Variants in AATF observed in about 807,000 individuals in gnomAD.
The protein encoded by AATF is protein AATF.
AATF carries 48 observed loss-of-function variants against 63.7 expected under a neutral mutation model. The ratio of observed to expected loss-of-function variants is 0.75; its 90% CI spans 0.60 to 0.96. The LOEUF (loss-of-function observed/expected upper bound fraction) is 0.96. Among genes scored for constraint, AATF ranks in the 40% least tolerant of loss-of-function variants. The pLI, the probability that AATF is intolerant of heterozygous loss-of-function variation, is 0.00. For synonymous variants in AATF, 258 were observed against 247.7 expected (o/e 1.04, Z -0.39); for missense variants, 639 against 685.7 (o/e 0.93, Z 0.76).
At chr17:37,011,239 G>A (rs2071388298) in intron 8 of AATF, among the ~76,000 whole-genome samples, 1 of 152,176 alleles carries the variant, frequency 6.6e-6, no homozygotes, top group Admixed American at 6.5e-5. Flanking sequence ...GCCCGGCGTG[G>A]TGGTGCACGC....
chr17:37,004,934 G>A (rs770191035), intron 8 of AATF, among the ~76,000 whole-genome samples: 4 of 152,150 alleles, frequency 2.6e-5, no homozygotes, highest in African/African-American at 9.7e-5. Context: ...TTTTGCCACC[G>A]AAGTACAGGG....
At chr17:36,996,285 A>G (rs1364006253) in intron 8 of AATF, among the ~76,000 whole-genome samples, 2 of 152,144 alleles carry the variant, frequency 1.3e-5, no homozygotes, top group African/African-American at 4.8e-5. Flanking sequence ...TGCAAAAAAA[A>G]TGAGTCAGAT....
rs151257463 is a variant in AATF, at chr17:36,953,157, C to T, written c.555C>T (p.Asp185=). ...DEESGMEEGD[D]AEDSQGESEE... The stretch of plus-strand genomic sequence containing the variant: ...AGAGTGGCATGGAAGAAGGGGATGA[C>T]GCGGAAGACTCCCAAGGCGAGAGTG... The change falls in exon 3 of 12, where the codon GAC becomes GAT. Residue 185 remains aspartate, a synonymous_variant. Transcript: ENST00000619387. 9.9e-4 allele frequency: 1,603 copies of T among 1,614,048 alleles called. 2 individuals are homozygous for T. Among genetic ancestry groups the T allele is most frequent in the Non-Finnish European group, 1.2e-3 (1,447 of 1,180,012 alleles).
intron 8 of AATF, among the ~76,000 whole-genome samples, chr17:37,006,868 G>A (rs8070958): frequency 0.038 from 5,777 of 152,238 alleles, 368 homozygotes; most frequent in African/African-American, 0.13. Context: ...CGCTAGCTCC[G>A]GAGTGGAGGC....
At chr17:36,955,924 G>A (rs867096429) in intron 4 of AATF, among the ~76,000 whole-genome samples, 18 of 152,076 alleles carry the variant, frequency 1.2e-4, no homozygotes, top group South Asian at 8.3e-4. Flanking sequence ...CACCATGCCC[G>A]ACTAATTTTT....
chr17:36,960,651 A>T (rs2070939677), intron 4 of AATF, among the ~76,000 whole-genome samples: 1 of 152,198 alleles, frequency 6.6e-6, no homozygotes, highest in Non-Finnish European at 1.5e-5. Context: ...TTAACACTTT[A>T]TGGGTTCTTG....
chr17:36,992,222 T>G (rs2142253540), intron 8 of AATF, among the ~76,000 whole-genome samples: 1 of 152,276 alleles, frequency 6.6e-6, no homozygotes, highest in Middle Eastern at 3.4e-3. Context: ...TTCTATTAAT[T>G]TTTTTTATTC....
chr17:36,950,005 C>A (rs755167461), intron 1 of AATF, among the ~76,000 whole-genome samples: 2 of 152,166 alleles, frequency 1.3e-5, no homozygotes, highest in Non-Finnish European at 2.9e-5. Flanking sequence ...GAAATAGATC[C>A]CACTAGTAGA....
At chr17:36,988,794 C>T (rs1325923436) in intron 6 of AATF, 74 bp downstream of exon 6, 2 of 1,399,772 alleles carry the variant, frequency 1.4e-6, no homozygotes, top group African/African-American at 2.9e-5. Context: ...GAAATTGGAA[C>T]TACAGCTCAT....
Position 37,056,820 on chromosome 17 carries a change from C to G in AATF, c.*156C>G, listed in dbSNP as rs574402850. ...TGCCTAATACACGCAAGGGCGCTGT[C>G]CCGCCCAACCCCGCCTTTAAACGCC... On this transcript the variant is annotated 3_prime_UTR_variant, in exon 12 of 12. Coordinates refer to ENST00000619387, the MANE Select transcript of AATF (RefSeq NM_012138.4). 3 of 675,718 alleles carry G rather than the reference C, an allele frequency of 4.4e-6. No homozygotes were observed. The highest frequency in any genetic ancestry group is 7.4e-6 in the Non-Finnish European group (3 of 405,830). 41.9% of individuals were successfully genotyped at this position (675,718 alleles called of 1,614,324 possible). A position where few individuals can be genotyped will look rare whatever the true frequency, so the allele number is the denominator to read the frequency against.
At chr17:37,002,201 CAAAAA>C (rs34123922) in intron 8 of AATF, among the ~76,000 whole-genome samples, 2 of 76,460 alleles carry the variant, frequency 2.6e-5, no homozygotes, top group Admixed American at 1.5e-4. Context: ...GACTCCGTCT[CAAAAA>C]AAAAAAAAAA....
Position 36,972,091 on chromosome 17 carries a change from T to C in AATF, c.833-14526T>C, listed in dbSNP as rs140544714. On this transcript the variant is annotated intron_variant, in intron 4 of 11. Transcript: ENST00000619387. Reference sequence around the variant, plus strand: ...GAGGGAGGGGGTATATGTGTGCTTATTCCCAGATAACTCTGGGAATATTTC... The same window carrying C: ...GAGGGAGGGGGTATATGTGTGCTTACTCCCAGATAACTCTGGGAATATTTC... Among the ~76,000 whole-genome samples, 113 of 152,276 alleles carry C rather than the reference T, an allele frequency of 7.4e-4. 1 individual carries two copies. The South Asian group carries it at 0.012, about 16-fold the overall frequency.
chr17:36,960,137 C>T (rs368468326), intron 4 of AATF, among the ~76,000 whole-genome samples: 30 of 152,150 alleles, frequency 2.0e-4, no homozygotes, highest in African/African-American at 6.0e-4. Flanking sequence ...CCTCAGCCTC[C>T]GGAGTAGCAG....
chr17:36,953,703 A>G (rs2142202531), intron 3 of AATF, 67 bp from the exon 4 acceptor site: 1 of 1,519,654 alleles, frequency 6.6e-7, no homozygotes, highest in East Asian at 2.3e-5. Flanking sequence ...GTTCTTCCCC[A>G]CCCCTGCCAC....
At chr17:36,961,674 A>ATT (rs563768134) in intron 4 of AATF, among the ~76,000 whole-genome samples, 4 of 144,120 alleles carry the variant, frequency 2.8e-5, no homozygotes, top group Admixed American at 6.9e-5. Context: ...TTGTACATTG[A>ATT]TTTTTTTTTT....
intron 4 of AATF, among the ~76,000 whole-genome samples, chr17:36,984,829 G>T (rs1409410084): frequency 6.6e-6 from 1 of 151,738 alleles, no homozygotes; most frequent in Non-Finnish European, 1.5e-5. Flanking sequence ...GTAGAGCTGG[G>T]GTCTTACTGT....
At chr17:37,047,389 TC>T (rs2071702565) in intron 11 of AATF, among the ~76,000 whole-genome samples, 1 of 152,174 alleles carries the variant, frequency 6.6e-6, no homozygotes, top group Non-Finnish European at 1.5e-5. Flanking sequence ...TGAGTATTTT[TC>T]TTCCTTTGTT....
At chr17:36,956,137 C>T (rs1448526507) in intron 4 of AATF, among the ~76,000 whole-genome samples, 2 of 152,088 alleles carry the variant, frequency 1.3e-5, no homozygotes, top group African/African-American at 4.8e-5. Flanking sequence ...CTTTTTTGTA[C>T]TTAACCAATT....
rs369820463 is a variant in AATF at position 37,034,078 on chromosome 17, T to G, written c.1619+2393T>G. Among the ~76,000 whole-genome samples the G allele has an allele frequency of 1.2e-4, 19 of 152,288 alleles. No homozygotes were observed. In the East Asian group the frequency reaches 2.3e-3, roughly 19 times the overall value. Reference sequence around the variant, plus strand: ...TGGACTGATTCCTAATTACCAGCATTGTTCTCCAGCTGGTTTAGCTACTTA... The same window carrying G: ...TGGACTGATTCCTAATTACCAGCATGGTTCTCCAGCTGGTTTAGCTACTTA... On this transcript the variant is annotated intron_variant, in intron 11 of 11. Transcript: ENST00000619387.
Sources: allele counts gnomAD v4.1 joint callset (sites outside exome capture counted in the v4.1 genomes callset), GRCh38; gene constraint gnomAD v4.1.1; transcripts MANE v1.5; gene names NCBI Gene and HGNC (gene_info 2026-07-23, HGNC 2026-07-21).